The following STPG4 variants were observed in gnomAD, a reference collection of about 807,000 sequenced individuals.
The protein encoded by STPG4 is sperm-tail PG-rich repeat containing 4, also known as protein STPG4.
Under a neutral mutation model 31.5 loss-of-function variants are expected in STPG4, and 41 were observed. The observed-to-expected ratio is 1.30, with a 90% CI of 1.01 to 1.69. The LOEUF (loss-of-function observed/expected upper bound fraction) is 1.69. STPG4 is among the 40% of genes most tolerant of loss of function. The probability of loss-of-function intolerance (pLI) is 0.00; values close to 1 mark genes in which losing one functional copy is unlikely to be tolerated. For synonymous variants in STPG4, 141 were observed against 103.0 expected (o/e 1.37, Z -2.24); for missense variants, 375 against 293.4 (o/e 1.28, Z -2.03).
chr2:47,096,472 T>C (rs4952870), intron 5 of STPG4, among the ~76,000 whole-genome samples: 62,444 of 152,032 alleles, frequency 0.41, 14,109 homozygotes, highest in Middle Eastern at 0.57. Context: ...AAAAACAAAA[T>C]AAAAAGTGTT....
intron 5 of STPG4, among the ~76,000 whole-genome samples, chr2:47,095,607 C>CA (rs1199884701): frequency 1.3e-5 from 2 of 152,306 alleles, no homozygotes; most frequent in African/African-American, 4.8e-5. Context: ...CATCAGTGTT[C>CA]AGCTCATGTC....
In STPG4 at chr2:47,151,325, T is replaced by C. The variant is rs1186404813; in HGVS notation, c.332A>G (p.Gln111Arg). The change falls in exon 3 of 7, where the codon CAA becomes CGA. Residue 111 changes from glutamine (Q) to arginine (R), a missense_variant. Transcript: ENST00000445927. Reference sequence around the variant, plus strand: ...GTCTTTGAATGAGTAAGTAGCCACTTGCTTCTTTAACAGGTCCAGGAAGTC... The same window carrying C: ...GTCTTTGAATGAGTAAGTAGCCACTCGCTTCTTTAACAGGTCCAGGAAGTC... Reference protein sequence around the residue: ...PPDFLDLLKKQVATYSFKDKP... With the variant: ...PPDFLDLLKKRVATYSFKDKP... The C allele has an allele frequency of 2.5e-6, 4 of 1,614,102 alleles. No homozygotes were observed. In the African/African-American group the frequency reaches 5.3e-5, roughly 22 times the overall value.
rs761450496 is a variant in STPG4 at position 47,151,246 on chromosome 2, G to A, written c.399+12C>T. The A allele has an allele frequency of 3.7e-6, 6 of 1,613,482 alleles. No individual in the cohort carries two copies. In the African/African-American group the frequency reaches 4.0e-5, roughly 11 times the overall value. ...CTTTCCCACACAAAGCAATCTGCCA[G>A]TAGCGCTTTACCTGATCTTTGTCAA... On this transcript the variant is annotated intron_variant, in intron 3 of 6. Transcript: ENST00000445927.
At chr2:47,155,047 A>C (rs929683620) in intron 1 of STPG4, 124 bp downstream of exon 1, 1 of 811,988 alleles carries the variant, frequency 1.2e-6, no homozygotes, top group Non-Finnish European at 2.1e-6. Context: ...GAGGGCAGGG[A>C]GAGAAGGGTA....
intron 6 of STPG4, among the ~76,000 whole-genome samples, chr2:47,088,361 G>C (rs1260478392): frequency 6.6e-6 from 1 of 152,168 alleles, no homozygotes; most frequent in Non-Finnish European, 1.5e-5. Context: ...CATGCTGGTG[G>C]CACATGCACA....
At chr2:47,127,474 G>A (rs1287250580) in intron 5 of STPG4, among the ~76,000 whole-genome samples, 1 of 151,754 alleles carries the variant, frequency 6.6e-6, no homozygotes, top group East Asian at 1.9e-4. Context: ...TTGCCATGTT[G>A]GCCAGACTGG....
chr2:47,090,872 A>G (rs1336854540), intron 5 of STPG4, among the ~76,000 whole-genome samples: 1 of 149,660 alleles, frequency 6.7e-6, no homozygotes, highest in Non-Finnish European at 1.5e-5. Context: ...TGAGATAAAC[A>G]TAAATAGGTG....
At chr2:47,099,983 G>A (rs1030487822) in intron 5 of STPG4, among the ~76,000 whole-genome samples, 1 of 152,126 alleles carries the variant, frequency 6.6e-6, no homozygotes, top group African/African-American at 2.4e-5. Context: ...GCAGGGCTCG[G>A]GACCTGCAGC....
Position 47,092,702 on chromosome 2 carries a change from T to C in STPG4, c.520-2328A>G, listed in dbSNP as rs533249939. 5.9e-5 allele frequency among the ~76,000 whole-genome samples: 9 copies of C among 151,880 alleles called. No individual in the cohort carries two copies. The East Asian group carries it at 1.7e-3, about 30-fold the overall frequency. ...CAGCAGTAAGGTCATAATAGGGACATGTATCTGTAAGATCCTTATAATAGG... is the reference window on the plus strand; with the variant it reads ...CAGCAGTAAGGTCATAATAGGGACACGTATCTGTAAGATCCTTATAATAGG... On this transcript the variant is annotated intron_variant, in intron 5 of 6. Transcript: ENST00000445927.
chr2:47,119,365 G>A (rs1425819906), intron 5 of STPG4, among the ~76,000 whole-genome samples: 2 of 152,172 alleles, frequency 1.3e-5, no homozygotes, highest in Non-Finnish European at 2.9e-5. Context: ...CAGTAAAAGT[G>A]GCAGAGTAAG....
chr2:47,090,017 G>A (rs1685537296), intron 6 of STPG4, among the ~76,000 whole-genome samples: 1 of 152,156 alleles, frequency 6.6e-6, no homozygotes, highest in Non-Finnish European at 1.5e-5. Flanking sequence ...GCTTCCAACT[G>A]GCCCCATAAT....
At chr2:47,104,979 A>C (rs1378593818) in intron 5 of STPG4, among the ~76,000 whole-genome samples, 1 of 151,920 alleles carries the variant, frequency 6.6e-6, no homozygotes, top group East Asian at 1.9e-4. Context: ...GCTTTTGCCA[A>C]CTATGGATCC....
chr2:47,094,266 T>C (rs1173486221), intron 5 of STPG4, among the ~76,000 whole-genome samples: 1 of 152,180 alleles, frequency 6.6e-6, no homozygotes, highest in African/African-American at 2.4e-5. Context: ...TTACCAAAGC[T>C]AAGCCTTTCA....
At chr2:47,151,589 A>G (rs1686938754) in intron 2 of STPG4, 74 bp from the exon 3 acceptor site, 7 of 1,239,398 alleles carry the variant, frequency 5.6e-6, no homozygotes, top group Non-Finnish European at 8.1e-6. Flanking sequence ...CTTGGATGGG[A>G]AGCTCCCAAG....
chr2:47,147,878 T>C (rs1686856442), intron 3 of STPG4, among the ~76,000 whole-genome samples: 1 of 151,712 alleles, frequency 6.6e-6, no homozygotes, highest in Non-Finnish European at 1.5e-5. Flanking sequence ...CTACCTCAAA[T>C]CTCCTTTGAA....
intron 5 of STPG4, among the ~76,000 whole-genome samples, chr2:47,120,059 G>T (rs1433628446): frequency 6.6e-6 from 1 of 152,142 alleles, no homozygotes; most frequent in Non-Finnish European, 1.5e-5. Context: ...GGCCAGGGGC[G>T]GTGGCTCATG....
intron 5 of STPG4, among the ~76,000 whole-genome samples, chr2:47,094,751 G>C (rs1319595405): frequency 1.3e-5 from 2 of 152,210 alleles, no homozygotes; most frequent in Non-Finnish European, 2.9e-5. Flanking sequence ...ATGTCGCCAA[G>C]GCCAGGAGCT....
chr2:47,117,981 G>A (rs1426590181), intron 5 of STPG4, among the ~76,000 whole-genome samples: 1 of 151,358 alleles, frequency 6.6e-6, no homozygotes, highest in African/African-American at 2.4e-5. Flanking sequence ...GGCTGGTCTT[G>A]AACTCTTGGT....
Position 47,106,053 on chromosome 2 carries a change from AAAAG to A in STPG4, c.520-15683_520-15680del, listed in dbSNP as rs1472210114. ...AAGACCAGCAAGAAGGAAAGAGAGA[AAAAG>A]AAAGAGAAAGAAAGAGAGGAAGAAC... On this transcript the variant is annotated intron_variant, in intron 5 of 6. Transcript: ENST00000445927. Among the ~76,000 whole-genome samples, 10 of 151,938 alleles carry A rather than the reference AAAAG, an allele frequency of 6.6e-5. 1 individual carries two copies. The highest frequency in any genetic ancestry group is 2.2e-4 in the African/African-American group (9 of 41,220).
Sources: gnomAD v4.1 joint callset for allele counts (sites outside exome capture counted in the v4.1 genomes callset) on GRCh38, gnomAD v4.1.1 for gene constraint, MANE v1.5 for transcripts, NCBI Gene and HGNC (gene_info 2026-07-23, HGNC 2026-07-21) for gene names.